Variants in ZNF804B observed in about 807,000 individuals in gnomAD.
ZNF804B encodes zinc finger protein 804B.
Under a neutral mutation model 101.4 loss-of-function variants are expected in ZNF804B, and 80 were observed. The ratio of observed to expected loss-of-function variants is 0.79; its 90% CI spans 0.66 to 0.95. The LOEUF (loss-of-function observed/expected upper bound fraction) is 0.95, where lower values mean the gene tolerates loss of function less well. Among genes scored for constraint, ZNF804B ranks in the 40% least tolerant of loss-of-function variants. The probability of loss-of-function intolerance (pLI) is 0.00; values close to 1 mark genes in which losing one functional copy is unlikely to be tolerated. For synonymous variants in ZNF804B, 622 were observed against 558.8 expected, an observed-to-expected ratio of 1.11 and a Z score of -1.59; for missense variants, 1,673 against 1,561.9, an observed-to-expected ratio of 1.07 and a Z score of -1.20.
At chr7:89,096,361 A>G (rs1583983825) in intron 1 of ZNF804B, among the ~76,000 whole-genome samples, 1 of 152,178 alleles carries the variant, frequency 6.6e-6, no homozygotes, top group East Asian at 1.9e-4. Context: ...GTAGAGAATA[A>G]TCATAAAGGA....
At chr7:89,159,187 T>A (rs1192764009) in intron 1 of ZNF804B, among the ~76,000 whole-genome samples, 1 of 152,174 alleles carries the variant, frequency 6.6e-6, no homozygotes, top group Admixed American at 6.6e-5. Flanking sequence ...AAATAAAAGA[T>A]GAACTAATTA....
intron 1 of ZNF804B, among the ~76,000 whole-genome samples, chr7:88,926,939 G>T (rs199880567): frequency 3.1e-5 from 2 of 65,330 alleles, no homozygotes; most frequent in African/African-American, 1.7e-4. Flanking sequence ...CGGGTGGTGG[G>T]GAGCGGGGGG....
At chr7:88,760,306 C>T (rs1382011419) in intron 1 of ZNF804B, among the ~76,000 whole-genome samples, 1 of 152,190 alleles carries the variant, frequency 6.6e-6, no homozygotes, top group Non-Finnish European at 1.5e-5. Flanking sequence ...TCAATTCAGT[C>T]AGTAGGATCT....
intron 2 of ZNF804B, among the ~76,000 whole-genome samples, chr7:89,235,190 T>G (rs2115748979): frequency 6.6e-6 from 1 of 152,316 alleles, no homozygotes; most frequent in Admixed American, 6.5e-5. Context: ...AGTAAAAATA[T>G]AATCAAACCT....
chr7:89,308,506 A>G (rs1020685696), intron 2 of ZNF804B, among the ~76,000 whole-genome samples: 3 of 152,196 alleles, frequency 2.0e-5, no homozygotes, highest in Admixed American at 2.0e-4. Context: ...TGCATTCTAG[A>G]GACTCAAATA....
chr7:88,918,619 T>C (rs1213449103), intron 1 of ZNF804B, among the ~76,000 whole-genome samples: 1 of 152,164 alleles, frequency 6.6e-6, no homozygotes, highest in Non-Finnish European at 1.5e-5. Flanking sequence ...CCAAAAGTAA[T>C]GTAAATAATG....
chr7:89,171,655 G>T (rs747629192), intron 1 of ZNF804B, among the ~76,000 whole-genome samples: 3 of 151,932 alleles, frequency 2.0e-5, no homozygotes, highest in Non-Finnish European at 4.4e-5. Context: ...GGCTGGTCTC[G>T]AACTCCTGAC....
chr7:89,057,264 A>G (rs1562872626), intron 1 of ZNF804B, among the ~76,000 whole-genome samples: 1 of 152,096 alleles, frequency 6.6e-6, no homozygotes, highest in Non-Finnish European at 1.5e-5. Context: ...AACCAATGCT[A>G]ACATGACTTT....
intron 1 of ZNF804B, among the ~76,000 whole-genome samples, chr7:88,807,454 A>G (rs1790708661): frequency 6.6e-6 from 1 of 152,236 alleles, no homozygotes; most frequent in South Asian, 2.1e-4. Context: ...GCTTTGTGTT[A>G]CGTGAGTAGA....
intron 1 of ZNF804B, among the ~76,000 whole-genome samples, chr7:89,012,203 C>T (rs1788476275): frequency 6.6e-6 from 1 of 152,156 alleles, no homozygotes; most frequent in African/African-American, 2.4e-5. Context: ...AGTCCTAAGA[C>T]TGCATAAAGC....
At chr7:89,179,564 A>T (rs147279507) in intron 1 of ZNF804B, among the ~76,000 whole-genome samples, 22 of 152,320 alleles carry the variant, frequency 1.4e-4, no homozygotes, top group Non-Finnish European at 3.1e-4. Flanking sequence ...AATTTTGTTT[A>T]ACTTTCTTAA....
chr7:89,065,525 G>A (rs916213402), intron 1 of ZNF804B, among the ~76,000 whole-genome samples: 3 of 152,258 alleles, frequency 2.0e-5, no homozygotes, highest in East Asian at 3.9e-4. Context: ...AAGGGGCCCA[G>A]CAATTTATAC....
intron 2 of ZNF804B, among the ~76,000 whole-genome samples, chr7:89,273,240 C>T (rs2115844647): frequency 6.6e-6 from 1 of 152,148 alleles, no homozygotes; most frequent in Middle Eastern, 3.4e-3. Context: ...CCTCATGCTA[C>T]TCACTACAAA....
intron 1 of ZNF804B, among the ~76,000 whole-genome samples, chr7:88,802,026 T>G (rs1790599489): frequency 1.3e-5 from 2 of 152,026 alleles, no homozygotes; most frequent in African/African-American, 4.8e-5. Flanking sequence ...TTGGGGCAGT[T>G]TCCCTCATGC....
At chr7:89,176,591 CTTT>C (rs35866405) in intron 1 of ZNF804B, among the ~76,000 whole-genome samples, 3 of 71,942 alleles carry the variant, frequency 4.2e-5, no homozygotes, top group Non-Finnish European at 8.0e-5. Context: ...TTCTTTCTTT[CTTT>C]TTTTTTTTTT....
At chr7:89,015,276 A>T (rs2106286) in intron 1 of ZNF804B, among the ~76,000 whole-genome samples, 77,808 of 151,156 alleles carry the variant, frequency 0.51, 20,910 homozygotes, top group Middle Eastern at 0.64. Context: ...GAAATCTGGT[A>T]ATGTGATGAC....
chr7:88,993,212 C>T (rs73383159), intron 1 of ZNF804B, among the ~76,000 whole-genome samples: 14,784 of 151,704 alleles, frequency 0.097, 778 homozygotes, highest in Non-Finnish European at 0.11. Flanking sequence ...ATTGTTATAT[C>T]CATTAGGAAG....
chr7:89,200,569 C>T (rs1259307129), intron 1 of ZNF804B, among the ~76,000 whole-genome samples: 1 of 151,924 alleles, frequency 6.6e-6, no homozygotes, highest in African/African-American at 2.4e-5. Context: ...TATTGATGCC[C>T]ATAGATGTAA....
At chr7:88,958,179 T>G (rs1374162459) in intron 1 of ZNF804B, among the ~76,000 whole-genome samples, 1 of 151,434 alleles carries the variant, frequency 6.6e-6, no homozygotes, top group Non-Finnish European at 1.5e-5. Context: ...ATCTAGAATT[T>G]TCCTTAGAAA....
Sources: gnomAD v4.1 joint callset for allele counts (sites outside exome capture counted in the v4.1 genomes callset) on GRCh38, gnomAD v4.1.1 for gene constraint, MANE v1.5 for transcripts, NCBI Gene and HGNC (gene_info 2026-07-23, HGNC 2026-07-21) for gene names.